Variants in FBXO46 observed in about 807,000 individuals in gnomAD.
FBXO46 encodes the protein F-box only protein 46.
FBXO46 carries 13 observed loss-of-function variants against 30.7 expected under a neutral mutation model. The ratio of observed to expected loss-of-function variants is 0.42; its 90% CI spans 0.28 to 0.67. FBXO46 has a LOEUF of 0.67. FBXO46 is among the 30% of genes least tolerant of loss of function. FBXO46 has a pLI of 0.21. For missense variants in FBXO46, 754 were observed against 871.5 expected, an observed-to-expected ratio of 0.87 and a Z score of 1.70; for synonymous variants, 467 against 385.8, an observed-to-expected ratio of 1.21 and a Z score of -2.47.
chr19:45,723,135 G>T (rs565767845), intron 1 of FBXO46, among the ~76,000 whole-genome samples: 2 of 152,290 alleles, frequency 1.3e-5, no homozygotes, highest in South Asian at 4.1e-4. Flanking sequence ...CACTTTGGGG[G>T]GCCAGGGCAG....
chr19:45,713,047 C>T lies in FBXO46; in HGVS notation c.449G>A (p.Arg150Gln), dbSNP rs374032371. Residue 150 changes from arginine to glutamine, a missense_variant, in exon 2 of 2, where the codon CGG becomes CAG. By Grantham distance (43) the Arg-to-Gln change is conservative. This residue lies in a region of FBXO46 where 454 missense variants were observed against 426.5 expected (regional missense o/e 1.06). Coordinates refer to ENST00000317683, the MANE Select transcript of FBXO46 (RefSeq NM_001080469.2). The surrounding 1 kb of genome is among the most constrained non-coding windows in gnomAD (Gnocchi z 4.7). ...CTCCTCAGCAGCAGGGGGGCCCTCCCGGCCCCCTGGGTCAGGAGGAGCCTT... is the reference window on the plus strand; with the variant it reads ...CTCCTCAGCAGCAGGGGGGCCCTCCTGGCCCCCTGGGTCAGGAGGAGCCTT... Reference protein sequence around the residue: ...PTKAPPDPGGREGPPAAEEGP... With the variant: ...PTKAPPDPGGQEGPPAAEEGP... 161 of 1,565,140 alleles carry T rather than the reference C, an allele frequency of 1.0e-4. No homozygotes were observed. In the African/African-American group the frequency reaches 1.3e-3, roughly 13 times the overall value.
intron 1 of FBXO46, among the ~76,000 whole-genome samples, chr19:45,725,644 G>C (rs1283142259): frequency 1.3e-5 from 2 of 152,054 alleles, no homozygotes; most frequent in Non-Finnish European, 1.5e-5. Flanking sequence ...TGAGGTGGGA[G>C]GATGGCTTGA....
At chr19:45,725,183 G>C (rs533149217) in intron 1 of FBXO46, among the ~76,000 whole-genome samples, 15 of 152,040 alleles carry the variant, frequency 9.9e-5, no homozygotes, top group African/African-American at 3.6e-4. Context: ...TTGGAAGGCT[G>C]AAGTGGGTAG....
intron 1 of FBXO46, among the ~76,000 whole-genome samples, chr19:45,728,094 G>A (rs956399591): frequency 3.9e-5 from 6 of 152,164 alleles, no homozygotes; most frequent in African/African-American, 7.2e-5. Context: ...CCGCCACCAC[G>A]CCCAGCTAAT....
rs1967964296 is a variant in FBXO46, at chr19:45,711,557, A to C, written c.*127T>G. 1.3e-6 allele frequency: 1 copy of C among 782,862 alleles called. No individual in the cohort carries two copies. Among genetic ancestry groups the C allele is most frequent in the Non-Finnish European group, 2.2e-6 (1 of 459,304 alleles). 48.5% of individuals were successfully genotyped at this position (782,862 alleles called of 1,614,324 possible). On this transcript the variant is annotated 3_prime_UTR_variant, in exon 2 of 2. Transcript: ENST00000317683. ...GGTCACCCCTGCTGAACCCCAGCTC[A>C]GTTCCGGTGAGGGATCAATGCTGCC...
chr19:45,725,752 GAATA>G (rs1167355918), intron 1 of FBXO46, among the ~76,000 whole-genome samples: 1 of 151,960 alleles, frequency 6.6e-6, no homozygotes, highest in Non-Finnish European at 1.5e-5. Flanking sequence ...AAATAAAAAT[GAATA>G]AATAAACACA....
At chr19:45,724,062 T>C (rs982508733) in intron 1 of FBXO46, among the ~76,000 whole-genome samples, 5 of 152,144 alleles carry the variant, frequency 3.3e-5, no homozygotes, top group African/African-American at 1.2e-4. Context: ...CCATTTTGTA[T>C]GAGTAAGCTT....
At chr19:45,731,576 A>G (rs1427674238), upstream of FBXO46, among the ~76,000 whole-genome samples, 1 of 151,122 alleles carries the variant, frequency 6.6e-6, no homozygotes, top group Non-Finnish European at 1.5e-5. Flanking sequence ...CGGCCTCCCA[A>G]AGTGCTGGGA....
chr19:45,721,199 C>A (rs553852295), intron 1 of FBXO46, among the ~76,000 whole-genome samples: 3 of 151,782 alleles, frequency 2.0e-5, no homozygotes, highest in Non-Finnish European at 2.9e-5. Flanking sequence ...ACTAAAAATA[C>A]AAAAATTAGC....
Position 45,711,820 on chromosome 19 carries a change from C to T in FBXO46, c.1676G>A (p.Gly559Glu), listed in dbSNP as rs1181037116. The T allele has an allele frequency of 6.2e-7, 1 of 1,613,210 alleles. No individual in the cohort carries two copies. The highest frequency in any genetic ancestry group is 1.7e-5 in the Admixed American group (1 of 60,016). ...PKPYHHDLPY[G>E]RSYWMCCRRA... ...ACGGCAGCACATCCAGTAGGAACGT[C>T]CGTAAGGCAGGTCATGGTGGTAGGG... The change falls in exon 2 of 2, where the codon GGA becomes GAA. Residue 559 changes from glycine (G) to glutamate (E), a missense_variant. Gly to Glu is a moderately conservative substitution (Grantham distance 98). Around this residue, in one of 5 missense-constraint regions of FBXO46, gnomAD observed 162 missense variants for 258.7 expected, o/e 0.63. Transcript: ENST00000317683.
At chr19:45,720,625 T>C (rs1968156825) in intron 1 of FBXO46, among the ~76,000 whole-genome samples, 2 of 151,782 alleles carry the variant, frequency 1.3e-5, no homozygotes, top group South Asian at 4.2e-4. Context: ...GCCCAGCTAA[T>C]TTTTACATTT....
chr19:45,711,760 C>A lies in FBXO46; in HGVS notation c.1736G>T (p.Gly579Val). ...CAGCACCCAGTTGTTATCGTGGAGG[C>A]CCAGGCGGCAGCCGGGAGTCTCGCG... ...ADRETPGCRL[G>V]LHDNNWVLPC... The change falls in exon 2 of 2, where the codon GGC becomes GTC. Residue 579 changes from glycine (G) to valine (V), a missense_variant. Gly to Val is a moderately radical substitution (Grantham distance 109). This residue lies in a region of FBXO46 where 162 missense variants were observed against 258.7 expected (regional missense o/e 0.63). Coordinates refer to ENST00000317683, the MANE Select transcript of FBXO46 (RefSeq NM_001080469.2). 6.5e-7 allele frequency: 1 copy of A among 1,541,044 alleles called. No individual in the cohort carries two copies. The highest frequency in any genetic ancestry group is 8.7e-7 in the Non-Finnish European group (1 of 1,144,264).
intron 1 of FBXO46, among the ~76,000 whole-genome samples, chr19:45,727,812 G>C (rs1027413362): frequency 6.6e-6 from 1 of 151,654 alleles, no homozygotes. Context: ...ACGAACAAAA[G>C]CAAACTAACA....
intron 1 of FBXO46, among the ~76,000 whole-genome samples, chr19:45,725,902 C>T (rs1488191288): frequency 6.6e-6 from 1 of 151,950 alleles, no homozygotes; most frequent in East Asian, 1.9e-4. Context: ...GAGATGGTCT[C>T]GCTCTATCAC....
intron 1 of FBXO46, among the ~76,000 whole-genome samples, chr19:45,730,504 C>G (rs1452068029): frequency 6.6e-6 from 1 of 152,070 alleles, no homozygotes; most frequent in Non-Finnish European, 1.5e-5. Flanking sequence ...CATCCTAACC[C>G]TGATCCTCAT....
rs1968009414 is a variant in FBXO46 at position 45,712,677 on chromosome 19, T to C, written c.819A>G (p.Ala273=). 6.2e-7 allele frequency: 1 copy of C among 1,612,530 alleles called. No homozygotes were observed. The change falls in exon 2 of 2, where the codon GCA becomes GCG. Residue 273 remains alanine, a synonymous_variant. Transcript: ENST00000317683. The surrounding 1 kb of genome is among the most constrained non-coding windows in gnomAD (Gnocchi z 8.8). ...FRISNGREPR[A]PDSGLPSGGG... is the part of the protein sequence containing the mutation. Reference sequence around the variant, plus strand: ...CCCCACTGGGCAGGCCGCTGTCTGGTGCACGGGGCTCCCGGCCGTTGGAGA... The same window carrying C: ...CCCCACTGGGCAGGCCGCTGTCTGGCGCACGGGGCTCCCGGCCGTTGGAGA...
chr19:45,725,707 C>T (rs1330254115), intron 1 of FBXO46, among the ~76,000 whole-genome samples: 1 of 152,080 alleles, frequency 6.6e-6, no homozygotes, highest in Non-Finnish European at 1.5e-5. Context: ...GCACTCCAAC[C>T]TGGGCAATAG....
At position 45,713,320 on chromosome 19, in the gene FBXO46, G is replaced by A. The variant is rs1334046931; in HGVS notation, c.176C>T (p.Ala59Val). The change falls in exon 2 of 2, where the codon GCC (alanine) becomes GTC (valine). Residue 59 changes from alanine (A) to valine (V), a missense_variant. Ala to Val is a moderately conservative substitution (Grantham distance 64, BLOSUM62 0). Transcript: ENST00000317683. The surrounding 1 kb of genome is among the most constrained non-coding windows in gnomAD (Gnocchi z 4.7). ...GGAGGCAGGGACCTCAGTGGCCAAG[G>A]CGGGTGGTGTGTTCTCTGAGTGGGC... ...GPAHSENTPP[A>V]LATEVPASQP... 1.2e-6 allele frequency: 2 copies of A among 1,613,432 alleles called. No individual in the cohort carries two copies. The highest frequency in any genetic ancestry group is 1.7e-6 in the Non-Finnish European group (2 of 1,179,708).
At position 45,711,453 on chromosome 19, in the gene FBXO46, AAAAC is replaced by A; in HGVS notation, c.*227_*230del. ...AAGTGAGATGCTGATAAAAAAAAAA[AAAAC>A]ACCCTTCTCAGAGGGTCCACGGCCC... On this transcript the variant is annotated 3_prime_UTR_variant, in exon 2 of 2. Coordinates refer to ENST00000317683, the MANE Select transcript of FBXO46 (RefSeq NM_001080469.2). The A allele has an allele frequency of 1.5e-6, 1 of 683,192 alleles. No individual in the cohort carries two copies. Among genetic ancestry groups the A allele is most frequent in the Non-Finnish European group, 2.7e-6 (1 of 375,416 alleles). The allele number at this position is 683,192 out of a possible 1,614,324, so 42.3% of individuals were successfully genotyped here. A position where few individuals can be genotyped will look rare whatever the true frequency, so the allele number is the denominator to read the frequency against.
Sources: allele counts gnomAD v4.1 joint callset (sites outside exome capture counted in the v4.1 genomes callset), GRCh38; gene constraint gnomAD v4.1.1; regional missense constraint gnomAD v4.1.1; non-coding constraint Gnocchi (gnomAD v3.1); transcripts MANE v1.5; gene names NCBI Gene and HGNC (gene_info 2026-07-23, HGNC 2026-07-21).